The following TAOK3 variants were observed in gnomAD, a reference collection of about 807,000 sequenced individuals.
The protein encoded by TAOK3 is TAO kinase 3.
A neutral mutation model predicts 120.4 loss-of-function variants in TAOK3; 40 were observed. That is an observed-to-expected ratio of 0.33 (90% CI 0.26 to 0.43). The LOEUF (loss-of-function observed/expected upper bound fraction) is 0.43. TAOK3 is among the 20% of genes least tolerant of loss of function. TAOK3 has a pLI of 1.00. For synonymous variants in TAOK3, 355 were observed against 387.5 expected (o/e 0.92, Z 0.99); for missense variants, 821 against 1,112.1 (o/e 0.74, Z 3.72).
At chr12:118,364,139 A>AAAAC (rs200117128) in intron 1 of TAOK3, among the ~76,000 whole-genome samples, 2,087 of 152,266 alleles carry the variant, frequency 0.014, 16 homozygotes, top group Middle Eastern at 0.024. Flanking sequence ...TCCATCTCAA[A>AAAAC]AAACAAACAA....
chr12:118,250,341 T>C (rs1371527828), intron 3 of TAOK3, among the ~76,000 whole-genome samples: 2 of 152,198 alleles, frequency 1.3e-5, no homozygotes, highest in African/African-American at 4.8e-5. Flanking sequence ...CTGTTTTCTC[T>C]GAACATAACA....
chr12:118,274,506 C>A (rs1163067688), intron 1 of TAOK3, among the ~76,000 whole-genome samples: 4 of 152,018 alleles, frequency 2.6e-5, no homozygotes, highest in Admixed American at 6.6e-5. Context: ...GGCTCAAAAG[C>A]AAAAATATCA....
chr12:118,338,729 G>A (rs2044470391), intron 1 of TAOK3, among the ~76,000 whole-genome samples: 1 of 137,480 alleles, frequency 7.3e-6, no homozygotes, highest in East Asian at 2.5e-4. Flanking sequence ...AGAGGTTGCA[G>A]TGAGCCAAGA....
At chr12:118,166,286 C>G (rs1259605002) in intron 17 of TAOK3, among the ~76,000 whole-genome samples, 1 of 152,128 alleles carries the variant, frequency 6.6e-6, no homozygotes, top group East Asian at 1.9e-4. Context: ...TGCCTATAAT[C>G]CCAGCACTTT....
intron 2 of TAOK3, among the ~76,000 whole-genome samples, chr12:118,258,273 G>A (rs950836440): frequency 4.6e-5 from 7 of 152,050 alleles, no homozygotes; most frequent in Non-Finnish European, 5.9e-5. Flanking sequence ...GGATCCCTCC[G>A]CCAACAATGC....
chr12:118,157,256 C>G (rs1260137826), intron 19 of TAOK3, among the ~76,000 whole-genome samples: 1 of 152,158 alleles, frequency 6.6e-6, no homozygotes, highest in East Asian at 1.9e-4. Context: ...TCCATTCTTC[C>G]CATCTCCCAG....
chr12:118,270,889 G>C (rs2041672071), intron 1 of TAOK3, among the ~76,000 whole-genome samples: 3 of 151,874 alleles, frequency 2.0e-5, no homozygotes, highest in African/African-American at 7.3e-5. Flanking sequence ...ATGTTAGCCA[G>C]GATGATCTCG....
chr12:118,221,471 C>A (rs1363789837), intron 9 of TAOK3, among the ~76,000 whole-genome samples: 1 of 152,082 alleles, frequency 6.6e-6, no homozygotes, highest in African/African-American at 2.4e-5. Context: ...AGGTGAACCA[C>A]CTGCCTCGGC....
chr12:118,280,763 A>G (rs2042072054), intron 1 of TAOK3, among the ~76,000 whole-genome samples: 1 of 152,238 alleles, frequency 6.6e-6, no homozygotes, highest in Non-Finnish European at 1.5e-5. Flanking sequence ...TAGGAATAGC[A>G]CTGAATCTGT....
chr12:118,176,837 G>A (rs971311164), intron 16 of TAOK3, among the ~76,000 whole-genome samples: 1 of 151,886 alleles, frequency 6.6e-6, no homozygotes, highest in African/African-American at 2.4e-5. Flanking sequence ...TGCGATCTCA[G>A]CTCACTGCAA....
At chr12:118,272,580 T>A (rs2140330136) in intron 1 of TAOK3, among the ~76,000 whole-genome samples, 1 of 152,288 alleles carries the variant, frequency 6.6e-6, no homozygotes, top group African/African-American at 2.4e-5. Context: ...ATTTTAAAGA[T>A]ACACCATTTC....
chr12:118,244,838 T>G (rs2140019739), intron 4 of TAOK3, 56 bp downstream of exon 4: 4 of 1,400,632 alleles, frequency 2.9e-6, no homozygotes, highest in Non-Finnish European at 4.0e-6. Flanking sequence ...AGAATTTTGT[T>G]AATTTCATAC....
chr12:118,308,098 T>G (rs1352205979), intron 1 of TAOK3, among the ~76,000 whole-genome samples: 1 of 152,100 alleles, frequency 6.6e-6, no homozygotes, highest in African/African-American at 2.4e-5. Context: ...AAGACCTTGC[T>G]GATAAAACAG....
intron 11 of TAOK3, among the ~76,000 whole-genome samples, chr12:118,205,509 G>A (rs1204333729): frequency 6.6e-6 from 1 of 152,122 alleles, no homozygotes; most frequent in East Asian, 1.9e-4. Flanking sequence ...CCAGGGGTGT[G>A]GGTGGTGGTG....
chr12:118,353,227 G>A lies in TAOK3; in HGVS notation c.-194+19421C>T, dbSNP rs894519425. On this transcript the variant is annotated intron_variant, in intron 1 of 20. Transcript: ENST00000392533. ...TGGTTTGCTAAATTAAAAATCACCC[G>A]AGAATTTGCAGGAAAATAGTAGGAG... Among the ~76,000 whole-genome samples the A allele has an allele frequency of 1.3e-4, 20 of 152,180 alleles. No homozygotes were observed. The East Asian group carries it at 2.5e-3, about 19-fold the overall frequency.
At chr12:118,288,235 G>A (rs979111315) in intron 1 of TAOK3, among the ~76,000 whole-genome samples, 9 of 151,696 alleles carry the variant, frequency 5.9e-5, no homozygotes, top group Non-Finnish European at 7.4e-5. Flanking sequence ...TTACTTCTCC[G>A]GGAAAAGGTC....
intron 1 of TAOK3, among the ~76,000 whole-genome samples, chr12:118,278,378 A>C (rs1347591469): frequency 2.0e-5 from 3 of 152,182 alleles, no homozygotes; most frequent in South Asian, 4.1e-4. Flanking sequence ...CTCACTTAAA[A>C]GTGAGAACAT....
At position 118,223,868 on chromosome 12, in the gene TAOK3, G is replaced by C. The variant is rs147415933; in HGVS notation, c.644-9758C>G. 7.6e-4 allele frequency among the ~76,000 whole-genome samples: 115 copies of C among 152,210 alleles called. 1 individual carries two copies. Among genetic ancestry groups the C allele is most frequent in the African/African-American group, 2.7e-3 (112 of 41,554 alleles). ...TTGGCCAGGCTGCTCTAGAACTCCT[G>C]ACCTCAAGTGATCTGCCCACTTTGG... On this transcript the variant is annotated intron_variant, in intron 9 of 20. Coordinates refer to ENST00000392533, the MANE Select transcript of TAOK3 (RefSeq NM_016281.4).
intron 1 of TAOK3, among the ~76,000 whole-genome samples, chr12:118,368,020 C>T (rs1326989053): frequency 6.6e-6 from 1 of 152,096 alleles, no homozygotes; most frequent in Non-Finnish European, 1.5e-5. Context: ...AATAGTTTGC[C>T]TGTATACGAC....
Sources: allele counts gnomAD v4.1 joint callset (sites outside exome capture counted in the v4.1 genomes callset), GRCh38; gene constraint gnomAD v4.1.1; transcripts MANE v1.5; gene names NCBI Gene and HGNC (gene_info 2026-07-23, HGNC 2026-07-21).